The following LRMDA variants were observed in gnomAD, a reference collection of about 807,000 sequenced individuals.
LRMDA encodes leucine-rich melanocyte differentiation-associated protein.
A neutral mutation model predicts 29.8 loss-of-function variants in LRMDA; 18 were observed. The ratio of observed to expected loss-of-function variants is 0.60; its 90% CI spans 0.42 to 0.90. The LOEUF (loss-of-function observed/expected upper bound fraction) is 0.90, where lower values mean the gene tolerates loss of function less well. Among genes scored for constraint, LRMDA ranks in the 40% least tolerant of loss-of-function variants. The pLI is 0.00. For missense variants in LRMDA, 273 were observed against 273.9 expected, an observed-to-expected ratio of 1.00 and a Z score of 0.02; for synonymous variants, 125 against 109.4, an observed-to-expected ratio of 1.14 and a Z score of -0.89.
chr10:75,437,197 C>A (rs971497832), intron 1 of LRMDA, among the ~76,000 whole-genome samples: 1 of 152,024 alleles, frequency 6.6e-6, no homozygotes, highest in Non-Finnish European at 1.5e-5. Flanking sequence ...TAGGTTGCAC[C>A]ATGTAAAAGA....
At chr10:75,839,884 A>G (rs1167543322) in intron 2 of LRMDA, among the ~76,000 whole-genome samples, 2 of 151,408 alleles carry the variant, frequency 1.3e-5, no homozygotes, top group Non-Finnish European at 2.9e-5. Context: ...AAGTTTTTGT[A>G]TTTTTAGTAG....
intron 2 of LRMDA, among the ~76,000 whole-genome samples, chr10:75,611,937 C>CT (rs951605005): frequency 6.6e-6 from 1 of 152,198 alleles, no homozygotes; most frequent in African/African-American, 2.4e-5. Context: ...CCTGTTGATA[C>CT]TTTTTTGGTC....
chr10:76,381,317 A>C (rs1166079546), intron 6 of LRMDA, among the ~76,000 whole-genome samples: 1 of 152,032 alleles, frequency 6.6e-6, no homozygotes, highest in Non-Finnish European at 1.5e-5. Context: ...AATGTAATTT[A>C]TTTGATATTT....
intron 6 of LRMDA, among the ~76,000 whole-genome samples, chr10:76,504,663 A>G (rs1461743829): frequency 1.3e-5 from 2 of 151,982 alleles, no homozygotes; most frequent in African/African-American, 4.8e-5. Flanking sequence ...TTTGCACGGT[A>G]GATCCTGCTA....
At chr10:76,391,691 A>G (rs1326363247) in intron 6 of LRMDA, among the ~76,000 whole-genome samples, 2 of 152,168 alleles carry the variant, frequency 1.3e-5, no homozygotes, top group African/African-American at 2.4e-5. Flanking sequence ...CCAGAAAGCT[A>G]TTCATGCAGT....
In LRMDA at chr10:76,058,743, C is replaced by T. The variant is rs1171639192; in HGVS notation, c.476C>T (p.Ala159Val). 4.0e-5 allele frequency: 64 copies of T among 1,613,996 alleles called. No homozygotes were observed. Among genetic ancestry groups the T allele is most frequent in the Non-Finnish European group, 5.3e-5 (63 of 1,179,992 alleles). The change falls in exon 5 of 7, where the codon GCG becomes GTG. Residue 159 changes from alanine (A) to valine (V), a missense_variant. Physicochemically the swap from Ala to Val is moderately conservative, Grantham distance 64. Coordinates refer to ENST00000611255, the MANE Select transcript of LRMDA (RefSeq NM_001305581.2). ...QKVTRQEREE[A>V]LVRGVFMKVV... Reference sequence around the variant, plus strand: ...GTAACCAGACAAGAACGAGAGGAGGCGTTGGTCAGAGGAGTCTTCATGAAG... The same window carrying T: ...GTAACCAGACAAGAACGAGAGGAGGTGTTGGTCAGAGGAGTCTTCATGAAG...
At chr10:76,240,534 T>G (rs1852254242) in intron 5 of LRMDA, among the ~76,000 whole-genome samples, 1 of 148,702 alleles carries the variant, frequency 6.7e-6, no homozygotes, top group Non-Finnish European at 1.5e-5. Context: ...TTGGTGATAA[T>G]GTAAACTAGT....
chr10:75,782,711 TG>T, intron 2 of LRMDA: 10 of 1,275,154 alleles, frequency 7.8e-6, no homozygotes, highest in Non-Finnish European at 1.0e-5. Flanking sequence ...GCCAGGCACT[TG>T]TGAGATGGAG....
chr10:76,304,954 G>A (rs1360303238), intron 5 of LRMDA, among the ~76,000 whole-genome samples: 1 of 152,202 alleles, frequency 6.6e-6, no homozygotes, highest in East Asian at 1.9e-4. Context: ...GGCCTTCTAG[G>A]AAATGGATGG....
intron 2 of LRMDA, among the ~76,000 whole-genome samples, chr10:75,942,026 G>A (rs571054648): frequency 3.9e-5 from 6 of 152,236 alleles, no homozygotes; most frequent in Admixed American, 1.3e-4. Flanking sequence ...TAATCACAGC[G>A]TGTAGGGTTT....
chr10:76,386,860 C>G (rs1359586295), intron 6 of LRMDA, among the ~76,000 whole-genome samples: 3 of 151,870 alleles, frequency 2.0e-5, no homozygotes, highest in African/African-American at 7.2e-5. Flanking sequence ...ACGAGTTCTA[C>G]TGAACAACAA....
intron 6 of LRMDA, among the ~76,000 whole-genome samples, chr10:76,507,370 G>A (rs375559713): frequency 1.3e-5 from 2 of 151,196 alleles, no homozygotes; most frequent in East Asian, 1.9e-4. Flanking sequence ...TGTATAATTT[G>A]CACATATTTT....
At chr10:76,140,146 G>C (rs752047299) in intron 5 of LRMDA, among the ~76,000 whole-genome samples, 2 of 152,194 alleles carry the variant, frequency 1.3e-5, no homozygotes, top group South Asian at 4.1e-4. Flanking sequence ...GGATTATTTT[G>C]AGCTGATTAT....
chr10:76,180,428 C>T (rs981229907), intron 5 of LRMDA, among the ~76,000 whole-genome samples: 6 of 151,582 alleles, frequency 4.0e-5, no homozygotes, highest in Non-Finnish European at 7.4e-5. Flanking sequence ...TACAGGTGCC[C>T]GCCACCACAC....
chr10:75,471,445 C>T (rs531462096), intron 2 of LRMDA, among the ~76,000 whole-genome samples: 5 of 152,236 alleles, frequency 3.3e-5, no homozygotes, highest in African/African-American at 4.8e-5. Flanking sequence ...ATTGTTTCTG[C>T]GATCTCCCTC....
At chr10:76,289,663 G>T (rs1840315122) in intron 5 of LRMDA, among the ~76,000 whole-genome samples, 1 of 152,182 alleles carries the variant, frequency 6.6e-6, no homozygotes, top group Non-Finnish European at 1.5e-5. Flanking sequence ...GAGGCATTGG[G>T]CTTGGTGTCT....
chr10:75,434,590 T>C (rs1055769342), intron 1 of LRMDA, among the ~76,000 whole-genome samples: 6 of 152,182 alleles, frequency 3.9e-5, no homozygotes, highest in South Asian at 2.1e-4. Context: ...CATACACTTA[T>C]TTATTTATGA....
chr10:75,563,286 T>G (rs1840324049), intron 2 of LRMDA, among the ~76,000 whole-genome samples: 1 of 152,134 alleles, frequency 6.6e-6, no homozygotes, highest in Non-Finnish European at 1.5e-5. Flanking sequence ...CATTTCATCT[T>G]CCATCACTGA....
chr10:76,262,476 G>T (rs952814150), intron 5 of LRMDA, among the ~76,000 whole-genome samples: 1 of 152,178 alleles, frequency 6.6e-6, no homozygotes, highest in South Asian at 2.1e-4. Flanking sequence ...CTCCGGCACC[G>T]TGTGAAGTTT....
Sources: allele counts gnomAD v4.1 joint callset (sites outside exome capture counted in the v4.1 genomes callset), GRCh38; gene constraint gnomAD v4.1.1; transcripts MANE v1.5; gene names NCBI Gene and HGNC (gene_info 2026-07-23, HGNC 2026-07-21).